ZNF516: variants seen among roughly 807,000 people sequenced by gnomAD.
ZNF516 encodes the protein zinc finger protein 516.
In ZNF516, 19 loss-of-function variants were observed where a neutral mutation model predicts 79.7. The observed-to-expected ratio is 0.24, with a 90% CI of 0.17 to 0.35. The LOEUF is 0.35. Ranked by LOEUF, ZNF516 falls within the 10% of genes least tolerant of loss-of-function variation. ZNF516 has a pLI of 1.00. For missense variants in ZNF516, 1,678 were observed against 1,679.5 expected (o/e 1.00, Z 0.02); for synonymous variants, 877 against 739.5 (o/e 1.19, Z -3.02).
At position 76,464,196 on chromosome 18, in the gene ZNF516, T is replaced by A. The variant is rs188821425; in HGVS notation, c.-271-1055A>T. 4.6e-5 allele frequency among the ~76,000 whole-genome samples: 7 copies of A among 152,228 alleles called. No homozygotes were observed. The East Asian group carries it at 1.2e-3, about 25-fold the overall frequency. ...AAAAAAAATTTTAGTACTTTAAAAA[T>A]TTTTAATGTACTAAAGGTACATTAA... On this transcript the variant is annotated intron_variant, in intron 1 of 6. Transcript: ENST00000443185.
At chr18:76,492,832 G>GA (rs960714684) in intron 1 of ZNF516, 169 of 985,910 alleles carry the variant, frequency 1.7e-4, no homozygotes, top group Admixed American at 2.5e-4. Flanking sequence ...GCTCCGTGGG[G>GA]GCTGCTGCGT....
chr18:76,363,904 G>A (rs559694278), intron 6 of ZNF516, among the ~76,000 whole-genome samples: 15 of 152,298 alleles, frequency 9.8e-5, no homozygotes, highest in East Asian at 1.9e-4. Flanking sequence ...CGTAAGAGGC[G>A]GGCAGGGGAT....
chr18:76,401,644 G>C (rs1344045195), intron 3 of ZNF516, among the ~76,000 whole-genome samples: 2 of 151,088 alleles, frequency 1.3e-5, no homozygotes, highest in East Asian at 1.9e-4. Context: ...ACAGACCGAC[G>C]GCACTCCTGG....
chr18:76,404,568 T>C (rs1472419572), intron 3 of ZNF516, among the ~76,000 whole-genome samples: 1 of 150,706 alleles, frequency 6.6e-6, no homozygotes, highest in Non-Finnish European at 1.5e-5. Flanking sequence ...GTTTGTATGT[T>C]TGTGAGTATG....
At chr18:76,468,857 T>C (rs1289845717) in intron 1 of ZNF516, among the ~76,000 whole-genome samples, 1 of 152,284 alleles carries the variant, frequency 6.6e-6, no homozygotes. Context: ...TCCCCATCAG[T>C]TCCTTGTTTA....
intron 4 of ZNF516, 48 bp downstream of exon 4, chr18:76,378,807 T>TC: frequency 6.3e-7 from 1 of 1,577,594 alleles, no homozygotes; most frequent in Non-Finnish European, 8.6e-7. Flanking sequence ...CGGGGGTGGT[T>TC]CTGGGGGTCA....
At chr18:76,428,414 G>T (rs1212252964) in intron 3 of ZNF516, among the ~76,000 whole-genome samples, 1 of 146,382 alleles carries the variant, frequency 6.8e-6, no homozygotes, top group African/African-American at 2.5e-5. Context: ...AAAAAAGAAA[G>T]AAATCCATCA....
rs1464847319 is a variant in ZNF516, at chr18:76,362,164, CAGAT to C, written c.*330_*333del. On this transcript the variant is annotated 3_prime_UTR_variant, in exon 7 of 7. Transcript: ENST00000443185. ...TGTCTCAAACTTGTCTTGAATAAGA[CAGAT>C]GCCTTGTGCCCCTACTGTGCCTGCC... 1 of 242,306 alleles carries C rather than the reference CAGAT, an allele frequency of 4.1e-6. No homozygotes were observed. Among genetic ancestry groups the C allele is most frequent in the Non-Finnish European group, 8.1e-6 (1 of 123,506 alleles). 15.0% of individuals were successfully genotyped at this position (242,306 alleles called of 1,614,324 possible). A position where few individuals can be genotyped will look rare whatever the true frequency, so the allele number is the denominator to read the frequency against.
At chr18:76,396,267 G>A (rs2075144932) in intron 3 of ZNF516, among the ~76,000 whole-genome samples, 1 of 152,008 alleles carries the variant, frequency 6.6e-6, no homozygotes, top group Non-Finnish European at 1.5e-5. Flanking sequence ...TGGGCATGGG[G>A]AACAAATAGG....
Position 76,371,432 on chromosome 18 carries a change from C to T in ZNF516, c.3364+35G>A, listed in dbSNP as rs546606781. ...GACAGAAGAGACCCCTCTTCCTCTG[C>T]TCCCCTTGGGGATAGCTGGGCGGGA... On this transcript the variant is annotated intron_variant, in intron 5 of 6. Coordinates refer to ENST00000443185, the MANE Select transcript of ZNF516 (RefSeq NM_014643.4). The T allele has an allele frequency of 1.3e-5, 21 of 1,576,002 alleles. No individual in the cohort carries two copies. In the East Asian group the frequency reaches 3.8e-4, roughly 29 times the overall value.
chr18:76,363,779 T>C (rs1291921327), intron 6 of ZNF516, among the ~76,000 whole-genome samples: 3 of 152,236 alleles, frequency 2.0e-5, no homozygotes, highest in African/African-American at 7.2e-5. Flanking sequence ...CAATTCCAAA[T>C]ACATTCTGGA....
chr18:76,492,356 G>C (rs1393741668), intron 1 of ZNF516: 2 of 985,342 alleles, frequency 2.0e-6, no homozygotes, highest in South Asian at 4.7e-5. Context: ...CAAGCGTGGG[G>C]TGGCCGGTGA....
At chr18:76,380,935 G>C (rs2074881686) in intron 3 of ZNF516, among the ~76,000 whole-genome samples, 1 of 152,242 alleles carries the variant, frequency 6.6e-6, no homozygotes, top group South Asian at 2.1e-4. Flanking sequence ...AGGTCCCCCA[G>C]AGGCGGGTGA....
Position 76,378,904 on chromosome 18 carries a change from C to G in ZNF516, c.3210G>C (p.Ala1070=). ...IFKTYIPKDF[A]TLYQGWGVSG... ...TGACACCCCATCCCTGGTAGAGGGTCGCAAAGTCCTTTGGAATGTACGTCT... is the reference window on the plus strand; with the variant it reads ...TGACACCCCATCCCTGGTAGAGGGTGGCAAAGTCCTTTGGAATGTACGTCT... Residue 1070 remains alanine, a synonymous_variant, in exon 4 of 7, where the codon GCG becomes GCC. Transcript: ENST00000443185. 6.2e-7 allele frequency: 1 copy of G among 1,613,772 alleles called. No individual in the cohort carries two copies. Among genetic ancestry groups the G allele is most frequent in the Non-Finnish European group, 8.5e-7 (1 of 1,179,794 alleles).
chr18:76,478,893 T>C (rs1369149139), intron 1 of ZNF516, among the ~76,000 whole-genome samples: 1 of 151,940 alleles, frequency 6.6e-6, no homozygotes, highest in African/African-American at 2.4e-5. Flanking sequence ...CCATCTCCAC[T>C]AAAAATACAA....
At chr18:76,495,619 C>T (rs3813102), upstream of ZNF516, 88,902 of 601,050 alleles carry the variant, frequency 0.15, 6,968 homozygotes, top group Admixed American at 0.23. Flanking sequence ...AGTGGTCGCC[C>T]CTCGTCAAGG....
Position 76,442,996 on chromosome 18 carries a change from G to A in ZNF516, c.59C>T (p.Ala20Val), listed in dbSNP as rs1433387964. The change falls in exon 3 of 7, where the codon GCC becomes GTC. Residue 20 changes from alanine (A) to valine (V), a missense_variant. Coordinates refer to ENST00000443185, the MANE Select transcript of ZNF516 (RefSeq NM_014643.4). ...CCCATCCACCTCGTGGCCCCGGCCGGCCCTGGTGGGGCTGGGGCCTCGCCT... is the reference window on the plus strand; with the variant it reads ...CCCATCCACCTCGTGGCCCCGGCCGACCCTGGTGGGGCTGGGGCCTCGCCT... ...ELRRGPSPTR[A>V]GRGHEVDGDK... The A allele has an allele frequency of 1.2e-6, 2 of 1,602,506 alleles. No individual in the cohort carries two copies. The highest frequency in any genetic ancestry group is 1.1e-5 in the South Asian group (1 of 90,714).
At chr18:76,418,936 A>C (rs982772270) in intron 3 of ZNF516, among the ~76,000 whole-genome samples, 12 of 152,250 alleles carry the variant, frequency 7.9e-5, no homozygotes, top group African/African-American at 2.9e-4. Context: ...CACTTCCTCC[A>C]GCCCAAACAC....
At chr18:76,409,031 T>C (rs2075338581) in intron 3 of ZNF516, among the ~76,000 whole-genome samples, 2 of 152,176 alleles carry the variant, frequency 1.3e-5, no homozygotes, top group African/African-American at 4.8e-5. Context: ...AAAAAAATCA[T>C]AAAAGTTTTA....
Sources: allele counts gnomAD v4.1 joint callset (sites outside exome capture counted in the v4.1 genomes callset), GRCh38; gene constraint gnomAD v4.1.1; transcripts MANE v1.5; gene names NCBI Gene and HGNC (gene_info 2026-07-23, HGNC 2026-07-21).